Variants in STK38 observed in about 807,000 individuals in gnomAD.
The protein encoded by STK38 is serine/threonine-protein kinase 38.
A neutral mutation model predicts 59.0 loss-of-function variants in STK38; 26 were observed. That is an observed-to-expected ratio of 0.44 (90% CI 0.32 to 0.61). The LOEUF is 0.61. STK38 is among the 20% of genes least tolerant of loss of function. STK38 has a pLI of 0.04. For missense variants in STK38, 433 were observed against 566.0 expected, an observed-to-expected ratio of 0.76 and a Z score of 2.38; for synonymous variants, 175 against 176.6, an observed-to-expected ratio of 0.99 and a Z score of 0.07.
chr6:36,539,453 TAAC>T (rs1443341284), intron 2 of STK38, among the ~76,000 whole-genome samples: 6 of 150,808 alleles, frequency 4.0e-5, no homozygotes, highest in Non-Finnish European at 8.8e-5. Context: ...AGATCAGTAA[TAAC>T]AATAGCTGAT....
chr6:36,500,336 T>C (rs1776806443), intron 9 of STK38, among the ~76,000 whole-genome samples: 1 of 151,914 alleles, frequency 6.6e-6, no homozygotes, highest in South Asian at 2.1e-4. Flanking sequence ...TTCATATACA[T>C]GAGTCCATTT....
At position 36,514,011 on chromosome 6, in the gene STK38, T is replaced by C. The variant is rs1358434094; in HGVS notation, c.669+1327A>G. ...TCTACTAAAAATACAAAAAATTAGCTGGGTGTGGTGGCGGGCGCCTGTAGT... is the reference window on the plus strand; with the variant it reads ...TCTACTAAAAATACAAAAAATTAGCCGGGTGTGGTGGCGGGCGCCTGTAGT... On this transcript the variant is annotated intron_variant, in intron 7 of 13. Coordinates refer to ENST00000229812, the MANE Select transcript of STK38 (RefSeq NM_007271.4). 4.6e-5 allele frequency among the ~76,000 whole-genome samples: 7 copies of C among 151,400 alleles called. 1 individual carries two copies. The highest frequency in any genetic ancestry group is 6.3e-3 in the Middle Eastern group (2 of 316).
rs1776684486 is a variant in STK38, at chr6:36,495,715, G to A, written c.*69C>T. ...CATCAACTTCTTGGAAGCTCTTCAA[G>A]AGTGTGAGAGGAAAAGCATGATGTT... On this transcript the variant is annotated 3_prime_UTR_variant, in exon 14 of 14. Transcript: ENST00000229812. The A allele has an allele frequency of 1.3e-6, 2 of 1,598,452 alleles. No homozygotes were observed. The highest frequency in any genetic ancestry group is 2.7e-5 in the African/African-American group (2 of 74,536).
chr6:36,513,471 C>T (rs372374949), intron 7 of STK38, among the ~76,000 whole-genome samples: 25 of 151,870 alleles, frequency 1.6e-4, no homozygotes, highest in Non-Finnish European at 3.1e-4. Context: ...CACTCCACCA[C>T]GCCCAGCTGA....
At chr6:36,502,196 G>C (rs898252154) in intron 9 of STK38, among the ~76,000 whole-genome samples, 5 of 152,000 alleles carry the variant, frequency 3.3e-5, no homozygotes, top group Non-Finnish European at 7.4e-5. Context: ...GGGCTGGAGT[G>C]CAGTGGTATG....
intron 1 of STK38, among the ~76,000 whole-genome samples, chr6:36,543,525 A>C (rs1777990310): frequency 6.6e-6 from 1 of 152,120 alleles, no homozygotes; most frequent in South Asian, 2.1e-4. Flanking sequence ...TAGAGAGATC[A>C]TTTGAGCCCA....
Position 36,542,944 on chromosome 6 carries a change from C to CA in STK38, c.-5-2738dup, listed in dbSNP as rs536334430. Among the ~76,000 whole-genome samples, 112 of 151,352 alleles carry CA rather than the reference C, an allele frequency of 7.4e-4. 1 individual carries two copies. Among genetic ancestry groups the CA allele is most frequent in the African/African-American group, 2.6e-3 (107 of 41,320 alleles). On this transcript the variant is annotated intron_variant, in intron 1 of 13. Coordinates refer to ENST00000229812, the MANE Select transcript of STK38 (RefSeq NM_007271.4). Reference sequence around the variant, plus strand: ...TGGGTGACAGAGCAAGATTCCGTCTCAAAAAAAATAAATAAATAAAATAAA... The same window carrying CA: ...TGGGTGACAGAGCAAGATTCCGTCTCAAAAAAAAATAAATAAATAAAATAAA...
intron 2 of STK38, among the ~76,000 whole-genome samples, chr6:36,533,082 A>AG (rs759467806): frequency 2.1e-5 from 3 of 145,714 alleles, no homozygotes; most frequent in African/African-American, 7.9e-5. Context: ...AAAAAAAAAA[A>AG]GGGGTACACA....
At chr6:36,526,078 A>T (rs1412349093) in intron 2 of STK38, among the ~76,000 whole-genome samples, 1 of 152,106 alleles carries the variant, frequency 6.6e-6, no homozygotes, top group East Asian at 1.9e-4. Context: ...CTCAAACTCC[A>T]GCCTGACCTT....
At chr6:36,517,084 A>T (rs1777273308) in intron 6 of STK38, among the ~76,000 whole-genome samples, 1 of 151,074 alleles carries the variant, frequency 6.6e-6, no homozygotes, top group Non-Finnish European at 1.5e-5. Context: ...CCACAATTAT[A>T]GGAACAAAAA....
intron 1 of STK38, among the ~76,000 whole-genome samples, chr6:36,540,659 T>G (rs959986725): frequency 2.6e-5 from 4 of 152,088 alleles, no homozygotes; most frequent in Non-Finnish European, 5.9e-5. Context: ...GGAGTTTCGC[T>G]CTTGTTGCCC....
At chr6:36,507,671 C>A in intron 7 of STK38, 69 bp from the exon 8 acceptor site, 1 of 1,154,868 alleles carries the variant, frequency 8.7e-7, no homozygotes, top group Non-Finnish European at 1.3e-6. Context: ...TTACGTTCTG[C>A]TCCTTCCAGC....
At position 36,509,189 on chromosome 6, in the gene STK38, T is replaced by C. The variant is rs7754099; in HGVS notation, c.670-1587A>G. 3.9e-3 allele frequency among the ~76,000 whole-genome samples: 594 copies of C among 152,282 alleles called. 4 individuals carry two copies. Among genetic ancestry groups the C allele is most frequent in the African/African-American group, 0.013 (543 of 41,548 alleles). ...AGGAACAATGAGGTATACGGACAAC[T>C]GGAGCATGAACAAGGTGAAGAGGAG... On this transcript the variant is annotated intron_variant, in intron 7 of 13. Coordinates refer to ENST00000229812, the MANE Select transcript of STK38 (RefSeq NM_007271.4).
At chr6:36,509,585 C>T (rs761622120) in intron 7 of STK38, among the ~76,000 whole-genome samples, 4 of 141,408 alleles carry the variant, frequency 2.8e-5, no homozygotes, top group Admixed American at 2.4e-4. Flanking sequence ...TAAATCGAGG[C>T]GCAGGACTGC....
chr6:36,521,862 C>T (rs1480869037), intron 4 of STK38, 45 bp from the exon 5 acceptor site: 1 of 1,473,930 alleles, frequency 6.8e-7, no homozygotes, highest in Admixed American at 1.8e-5. Flanking sequence ...CTCGTACTAC[C>T]AACCTAATGC....
intron 1 of STK38, among the ~76,000 whole-genome samples, chr6:36,540,453 A>C (rs1244715326): frequency 3.9e-5 from 6 of 152,224 alleles, no homozygotes. Flanking sequence ...TTCTAAAGTG[A>C]CATACACAGG....
intron 7 of STK38, among the ~76,000 whole-genome samples, chr6:36,508,990 T>C (rs9368936): frequency 0.056 from 8,496 of 152,270 alleles, 531 homozygotes; most frequent in East Asian, 0.35. Context: ...AAAGGGGGTG[T>C]CACAGCACTG....
At chr6:36,510,665 T>C (rs1261183985) in intron 7 of STK38, among the ~76,000 whole-genome samples, 1 of 152,160 alleles carries the variant, frequency 6.6e-6, no homozygotes, top group African/African-American at 2.4e-5. Context: ...CTCTTAACTT[T>C]ATAATTTTCA....
intron 9 of STK38, among the ~76,000 whole-genome samples, chr6:36,501,181 T>C (rs1329013762): frequency 1.3e-5 from 2 of 151,980 alleles, no homozygotes; most frequent in African/African-American, 4.8e-5. Context: ...CTTTAACTCC[T>C]GGCTCAAGTG....
Sources: allele counts gnomAD v4.1 joint callset (sites outside exome capture counted in the v4.1 genomes callset), GRCh38; gene constraint gnomAD v4.1.1; transcripts MANE v1.5; gene names NCBI Gene and HGNC (gene_info 2026-07-23, HGNC 2026-07-21).